TUSC3: variants seen among roughly 807,000 people sequenced by gnomAD.
The protein encoded by TUSC3 is dolichyl-diphosphooligosaccharide--protein glycosyltransferase subunit TUSC3.
TUSC3 carries 45 observed loss-of-function variants against 44.8 expected under a neutral mutation model. The ratio of observed to expected loss-of-function variants is 1.00; its 90% CI spans 0.79 to 1.29. The LOEUF (loss-of-function observed/expected upper bound fraction) is 1.29, where lower values mean the gene tolerates loss of function less well. TUSC3 is among the 50% of genes most tolerant of loss of function. The pLI is 0.00. For missense variants in TUSC3, 519 were observed against 437.9 expected (o/e 1.19, Z -1.65); for synonymous variants, 212 against 152.9 (o/e 1.39, Z -2.85).
chr8:15,715,942 G>A (rs1000847011), intron 6 of TUSC3, among the ~76,000 whole-genome samples: 5 of 152,010 alleles, frequency 3.3e-5, no homozygotes, highest in African/African-American at 1.2e-4. Context: ...CGTAAAATGA[G>A]TTTTGACTGT....
chr8:15,607,723 C>T (rs1254618037), intron 1 of TUSC3, among the ~76,000 whole-genome samples: 1 of 152,104 alleles, frequency 6.6e-6, no homozygotes, highest in Non-Finnish European at 1.5e-5. Flanking sequence ...TTAGAGTAAG[C>T]TGGAGAAAAG....
At chr8:15,592,557 C>T (rs1803886456) in intron 1 of TUSC3, among the ~76,000 whole-genome samples, 1 of 152,230 alleles carries the variant, frequency 6.6e-6, no homozygotes, top group South Asian at 2.1e-4. Context: ...CTCTCTTTTG[C>T]TCGCTCTCAC....
rs368025789 is a variant in TUSC3, at chr8:15,434,637, C to T, written n.91+17332C>T. Among the ~76,000 whole-genome samples the T allele has an allele frequency of 1.4e-4, 21 of 150,682 alleles. No homozygotes were observed. The East Asian group carries it at 3.5e-3, about 25-fold the overall frequency. The stretch of plus-strand genomic sequence containing the variant: ...TGCTGGTGTGCTGCACCCATTAACT[C>T]GTCATTTAGCATTAGGTATATCTCC... On this transcript the variant is annotated intron_variant and non_coding_transcript_variant, in intron 1 of 5. Transcript: ENST00000503191.
At chr8:15,620,543 G>T (rs1465009113) in intron 1 of TUSC3, among the ~76,000 whole-genome samples, 1 of 152,068 alleles carries the variant, frequency 6.6e-6, no homozygotes, top group East Asian at 1.9e-4. Flanking sequence ...GCCTAATTCT[G>T]AAGGAATATA....
chr8:15,796,189 G>A, the TUSC3 span, among the ~76,000 whole-genome samples: 9 of 152,260 alleles, frequency 5.9e-5, no homozygotes, highest in South Asian at 2.1e-4. Context: ...TACAATGATG[G>A]ATTCAGGCAG....
At chr8:15,752,470 C>T (rs765995953) in intron 9 of TUSC3, among the ~76,000 whole-genome samples, 1 of 152,024 alleles carries the variant, frequency 6.6e-6, no homozygotes, top group Non-Finnish European at 1.5e-5. Context: ...AATTTTATGA[C>T]AGTTCTCTAA....
chr8:15,840,048 TA>T, the TUSC3 span, among the ~76,000 whole-genome samples: 2 of 152,046 alleles, frequency 1.3e-5, no homozygotes, highest in Admixed American at 1.3e-4. Flanking sequence ...TATGCAGCCA[TA>T]AAAAATGATG....
intron 2 of TUSC3, among the ~76,000 whole-genome samples, chr8:15,496,860 G>T (rs1429676556): frequency 6.6e-6 from 1 of 152,076 alleles, no homozygotes; most frequent in Non-Finnish European, 1.5e-5. Context: ...CCATAACAGA[G>T]TTAGAAGAAG....
intron 1 of TUSC3, among the ~76,000 whole-genome samples, chr8:15,544,696 C>A (rs982149300): frequency 8.6e-5 from 13 of 151,678 alleles, no homozygotes; most frequent in African/African-American, 2.9e-4. Flanking sequence ...GGGAGGTAAG[C>A]AATGGATGTT....
At chr8:15,504,817 T>A (rs2129127490) in intron 2 of TUSC3, among the ~76,000 whole-genome samples, 1 of 150,936 alleles carries the variant, frequency 6.6e-6, no homozygotes, top group East Asian at 2.0e-4. Flanking sequence ...CATGCCCAGC[T>A]AATTTTTTGT....
At chr8:15,613,090 G>T (rs1020712723) in intron 1 of TUSC3, among the ~76,000 whole-genome samples, 26 of 146,848 alleles carry the variant, frequency 1.8e-4, no homozygotes, top group Admixed American at 7.5e-4. Context: ...TCATATATAT[G>T]TATTTTATAT....
chr8:15,746,382 C>T (rs1326048720), intron 8 of TUSC3, among the ~76,000 whole-genome samples: 3 of 152,030 alleles, frequency 2.0e-5, no homozygotes, highest in African/African-American at 4.8e-5. Flanking sequence ...TTAAAACTTT[C>T]AAATTATTCC....
chr8:15,451,536 G>A (rs1297657578), intron 1 of TUSC3, among the ~76,000 whole-genome samples: 1 of 152,096 alleles, frequency 6.6e-6, no homozygotes, highest in Non-Finnish European at 1.5e-5. Flanking sequence ...GGAGGTGCTG[G>A]GACAGTGGCA....
chr8:15,840,909 T>C, the TUSC3 span, among the ~76,000 whole-genome samples: 2 of 152,178 alleles, frequency 1.3e-5, no homozygotes, highest in Non-Finnish European at 2.9e-5. Context: ...GCAGTGCTCA[T>C]ATAGGAATTA....
chr8:15,744,729 TTTTA>T (rs1175093738), intron 8 of TUSC3, among the ~76,000 whole-genome samples: 6 of 152,122 alleles, frequency 3.9e-5, no homozygotes, highest in Non-Finnish European at 7.4e-5. Flanking sequence ...TCATGTTGAA[TTTTA>T]TTTATTTATC....
intron 1 of TUSC3, among the ~76,000 whole-genome samples, chr8:15,435,753 G>T (rs992124228): frequency 8.5e-5 from 13 of 152,136 alleles, no homozygotes; most frequent in African/African-American, 3.1e-4. Context: ...ATTTAACTTG[G>T]CCTACATTGC....
the TUSC3 span, among the ~76,000 whole-genome samples, chr8:15,772,409 G>C: frequency 6.6e-6 from 1 of 152,016 alleles, no homozygotes; most frequent in South Asian, 2.1e-4. Flanking sequence ...TATACCAAAA[G>C]TTAAATAACC....
intron 1 of TUSC3, among the ~76,000 whole-genome samples, chr8:15,600,726 T>C (rs1229850361): frequency 1.3e-5 from 2 of 151,684 alleles, no homozygotes; most frequent in African/African-American, 2.4e-5. Context: ...CTTTCTCTTC[T>C]TGCACCCTCT....
At chr8:15,421,674 A>G (rs549449818) in intron 1 of TUSC3, among the ~76,000 whole-genome samples, 1 of 152,278 alleles carries the variant, frequency 6.6e-6, no homozygotes, top group East Asian at 1.9e-4. Context: ...GTGGGAAAAA[A>G]TATATAACAG....
Sources: gnomAD v4.1 joint callset for allele counts (sites outside exome capture counted in the v4.1 genomes callset) on GRCh38, gnomAD v4.1.1 for gene constraint, MANE v1.5 for transcripts, NCBI Gene and HGNC (gene_info 2026-07-23, HGNC 2026-07-21) for gene names.